The following PLXNB1 variants were observed in gnomAD, a reference collection of about 807,000 sequenced individuals.
PLXNB1 encodes the protein plexin-B1.
PLXNB1 carries 106 observed loss-of-function variants against 209.4 expected under a neutral mutation model. The ratio of observed to expected loss-of-function variants is 0.51; its 90% CI spans 0.43 to 0.59. PLXNB1 has a LOEUF of 0.59. Among genes scored for constraint, PLXNB1 ranks in the 20% least tolerant of loss-of-function variants. The pLI, the probability that PLXNB1 is intolerant of heterozygous loss-of-function variation, is 0.00. For synonymous variants in PLXNB1, 1,167 were observed against 1,183.2 expected (o/e 0.99, Z 0.28); for missense variants, 2,357 against 2,853.2 (o/e 0.83, Z 3.96).
intron 6 of PLXNB1, 32 bp downstream of exon 6, chr3:48,422,073 G>C: frequency 1.3e-6 from 2 of 1,571,140 alleles, no homozygotes; most frequent in Non-Finnish European, 1.8e-6. Context: ...GTGGGCTTGA[G>C]GCTGGGGCTG....
At position 48,414,905 on chromosome 3, in the gene PLXNB1, T is replaced by A. The variant is rs2037973145; in HGVS notation, c.4103A>T (p.Asn1368Ile). ...DNLVFDFATL[N>I]PTPFSYEADP... ...GGCCTCATAGGAGAAAGGTGTGGGG[T>A]TCAGTGTTGCAAAGTCAAAGACCAG... The change falls in exon 21 of 38, where the codon AAC becomes ATC. Residue 1368 changes from asparagine (N) to isoleucine (I), a missense_variant. Coordinates refer to ENST00000296440, the MANE Select transcript of PLXNB1 (RefSeq NM_001130082.3). 1 of 1,613,758 alleles carries A rather than the reference T, an allele frequency of 6.2e-7. No homozygotes were observed. The highest frequency in any genetic ancestry group is 8.5e-7 in the Non-Finnish European group (1 of 1,180,034).
rs1383531239 is a variant in PLXNB1 at position 48,417,815 on chromosome 3, G to A, written c.3374+96C>T. 3 of 1,302,328 alleles carry A rather than the reference G, an allele frequency of 2.3e-6. No individual in the cohort carries two copies. The highest frequency in any genetic ancestry group is 3.2e-6 in the Non-Finnish European group (3 of 933,052). The allele number at this position is 1,302,328 out of a possible 1,614,324, so 80.7% of individuals were successfully genotyped here. Reference sequence around the variant, plus strand: ...CAGGATCAAGGAACAGGGAGAGAGGGGGGCAGATGAGCGGTGGGTGGGAGG... The same window carrying A: ...CAGGATCAAGGAACAGGGAGAGAGGAGGGCAGATGAGCGGTGGGTGGGAGG... On this transcript the variant is annotated intron_variant, in intron 16 of 37. Coordinates refer to ENST00000296440, the MANE Select transcript of PLXNB1 (RefSeq NM_001130082.3). This position sits in a 1 kb window ranked among gnomAD's most constrained non-coding sequence, Gnocchi z 4.4.
At position 48,416,054 on chromosome 3, in the gene PLXNB1, C is replaced by T. The variant is rs756520969; in HGVS notation, c.3594G>A (p.Val1198=). The part of the protein sequence containing the change: ...LTGRLEDIRV[V]VGDQPCHLLP... ...ACAAGTGACAAGGCTGGTCTCCAAC[C>T]ACCACTCGGATGTCCTCCAGCCGCC... Residue 1198 remains valine, a synonymous_variant, in exon 18 of 38, where the codon GTG becomes GTA. Coordinates refer to ENST00000296440, the MANE Select transcript of PLXNB1 (RefSeq NM_001130082.3). The surrounding 1 kb of genome is among the most constrained non-coding windows in gnomAD (Gnocchi z 4.1). The T allele has an allele frequency of 2.5e-6, 4 of 1,602,714 alleles. No individual in the cohort carries two copies. The highest frequency in any genetic ancestry group is 2.2e-5 in the South Asian group (2 of 89,004).
At chr3:48,427,012 G>C (rs542221056) in intron 1 of PLXNB1, among the ~76,000 whole-genome samples, 1 of 152,116 alleles carries the variant, frequency 6.6e-6, no homozygotes, top group Non-Finnish European at 1.5e-5. Context: ...TGGGCACAGG[G>C]TCCCATAGTT....
Position 48,422,412 on chromosome 3 carries a change from GCT to G in PLXNB1, c.1336_1337del (p.Ser446HisfsTer14). On this transcript the variant is annotated frameshift_variant, in exon 5 of 38. Transcript: ENST00000296440. LOFTEE classifies it high-confidence loss of function. ...GSDGHPYSTQSIQQGSAVSRD... is the reference protein window; with the variant it reads ...GSDGHPYSTQXIQQGSAVSRD... ...TGCTCACTGCAGACCCCTGCTGGAT[GCT>G]CTGTGTGGAGTATGGGTGGCCATCG... 6.2e-7 allele frequency: 1 copy of G among 1,602,992 alleles called. No homozygotes were observed. Among genetic ancestry groups the G allele is most frequent in the Non-Finnish European group, 8.5e-7 (1 of 1,174,514 alleles).
In PLXNB1 at chr3:48,422,103, A is replaced by C. The variant is rs1575406857; in HGVS notation, c.1520+2T>G. 6.2e-7 allele frequency: 1 copy of C among 1,612,832 alleles called. No homozygotes were observed. The highest frequency in any genetic ancestry group is 8.5e-7 in the Non-Finnish European group (1 of 1,178,934). ...GGGCTGGGATGGGGTCAGAAATCTG[A>C]CCTGCCAAGGAGCACGCACCACCCA... On this transcript the variant is annotated splice_donor_variant, in intron 6 of 37. Transcript: ENST00000296440. LOFTEE classifies it high-confidence loss of function.
rs1246125743 is a variant in PLXNB1, at chr3:48,413,060, C to T, written c.4636+9G>A. The T allele has an allele frequency of 6.2e-7, 1 of 1,612,834 alleles. No individual in the cohort carries two copies. The highest frequency in any genetic ancestry group is 1.3e-5 in the African/African-American group (1 of 75,028). ...TTCTGGAGGGCGGGGCCCATTCTCT[C>T]AGCCACACCTGTGAATTCCTTCTTG... On this transcript the variant is annotated intron_variant, in intron 24 of 37. Coordinates refer to ENST00000296440, the MANE Select transcript of PLXNB1 (RefSeq NM_001130082.3). The surrounding 1 kb of genome is among the most constrained non-coding windows in gnomAD (Gnocchi z 5.4).
chr3:48,419,105 C>G lies in PLXNB1; in HGVS notation c.2833-66G>C, dbSNP rs923509605. The stretch of plus-strand genomic sequence containing the variant: ...TGGGCCCAGGGAGTCCTGCAGGTCA[C>G]CCAACAGATCCCCCAGCACAGCTTC... On this transcript the variant is annotated intron_variant, in intron 12 of 37. Coordinates refer to ENST00000296440, the MANE Select transcript of PLXNB1 (RefSeq NM_001130082.3). The surrounding 1 kb of genome is among the most constrained non-coding windows in gnomAD (Gnocchi z 5.7). 1 of 1,595,200 alleles carries G rather than the reference C, an allele frequency of 6.3e-7. No individual in the cohort carries two copies. The highest frequency in any genetic ancestry group is 1.3e-5 in the African/African-American group (1 of 74,644).
chr3:48,407,312 C>T lies in PLXNB1; in HGVS notation c.6088-221G>A, dbSNP rs1182683558. ...GCTGCTCCCTCCCTTCCACCAATGT[C>T]CAGTCTCTGATGTCATCGGAAATCA... On this transcript the variant is annotated intron_variant, in intron 34 of 37. Transcript: ENST00000296440. Among the ~76,000 whole-genome samples, 9 of 152,254 alleles carry T rather than the reference C, an allele frequency of 5.9e-5. No homozygotes were observed. The South Asian group carries it at 1.9e-3, about 32-fold the overall frequency.
chr3:48,417,962 A>C lies in PLXNB1; in HGVS notation c.3323T>G (p.Val1108Gly). Residue 1108 changes from valine to glycine, a missense_variant, in exon 16 of 38, where the codon GTG becomes GGG. Physicochemically the swap from Val to Gly is moderately radical, Grantham distance 109. Around this residue, in one of 7 missense-constraint regions of PLXNB1, gnomAD observed 743 missense variants for 896.2 expected, o/e 0.83. Coordinates refer to ENST00000296440, the MANE Select transcript of PLXNB1 (RefSeq NM_001130082.3). This position sits in a 1 kb window ranked among gnomAD's most constrained non-coding sequence, Gnocchi z 4.4. ...ATCCACAGCACAGGGCACTCCAGCCACCGTGACCATGCCCAGCACATCCTG... is the reference window on the plus strand; with the variant it reads ...ATCCACAGCACAGGGCACTCCAGCCCCCGTGACCATGCCCAGCACATCCTG... ...HVQDVLGMVTVAGVPCAVDAQ... is the reference protein window; with the variant it reads ...HVQDVLGMVTGAGVPCAVDAQ... The C allele has an allele frequency of 6.2e-7, 1 of 1,613,424 alleles. No individual in the cohort carries two copies. Among genetic ancestry groups the C allele is most frequent in the Non-Finnish European group, 8.5e-7 (1 of 1,180,012 alleles).
At chr3:48,421,033 T>C in intron 8 of PLXNB1, 77 bp from the exon 9 acceptor site, 1 of 1,371,562 alleles carries the variant, frequency 7.3e-7, no homozygotes, top group African/African-American at 1.4e-5. Flanking sequence ...CCTGAGCCCT[T>C]GAATGGGGAA....
chr3:48,414,876 G>C lies in PLXNB1; in HGVS notation c.4132C>G (p.Pro1378Ala), dbSNP rs368567953. 7 of 1,613,950 alleles carry C rather than the reference G, an allele frequency of 4.3e-6. No homozygotes were observed. The highest frequency in any genetic ancestry group is 5.9e-6 in the Non-Finnish European group (7 of 1,180,050). The change falls in exon 21 of 38, where the codon CCC becomes GCC. Residue 1378 changes from proline (P) to alanine (A), a missense_variant. Physicochemically the swap from Pro to Ala is conservative, Grantham distance 27. This residue lies in a region of PLXNB1 where 743 missense variants were observed against 896.2 expected (regional missense o/e 0.83). Transcript: ENST00000296440. ...NPTPFSYEAD[P>A]TLQPLNPEDP... is the part of the protein sequence containing the mutation. The stretch of plus-strand genomic sequence containing the variant: ...TCAGGGTTGAGTGGCTGCAGGGTGG[G>C]GTCGGCCTCATAGGAGAAAGGTGTG...
intron 8 of PLXNB1, 72 bp downstream of exon 8, chr3:48,421,156 C>G: frequency 6.5e-7 from 1 of 1,537,058 alleles, no homozygotes; most frequent in Non-Finnish European, 8.8e-7. Context: ...TGCCTGGATT[C>G]ACACTTTAAC....
At chr3:48,414,678 A>T in intron 21 of PLXNB1, 121 bp downstream of exon 21, 2 of 1,218,480 alleles carry the variant, frequency 1.6e-6, no homozygotes, top group Non-Finnish European at 2.3e-6. Context: ...AGCAAGGATG[A>T]GGAGCCATGT....
At position 48,416,586 on chromosome 3, in the gene PLXNB1, C is replaced by A; in HGVS notation, c.3375-135G>T. The A allele has an allele frequency of 1.8e-6, 1 of 549,702 alleles. No individual in the cohort carries two copies. Among genetic ancestry groups the A allele is most frequent in the East Asian group, 3.1e-5 (1 of 31,934 alleles). 34.1% of individuals were successfully genotyped at this position (549,702 alleles called of 1,614,324 possible). ...GCTCCATAAGATTGACAGAGACCCT[C>A]TCTCACTTTGGAGGGAATTCTTTAT... On this transcript the variant is annotated intron_variant, in intron 16 of 37. Coordinates refer to ENST00000296440, the MANE Select transcript of PLXNB1 (RefSeq NM_001130082.3). This position sits in a 1 kb window ranked among gnomAD's most constrained non-coding sequence, Gnocchi z 4.1.
At position 48,419,608 on chromosome 3, in the gene PLXNB1, T is replaced by C; in HGVS notation, c.2678A>G (p.Tyr893Cys). 1 of 1,611,638 alleles carries C rather than the reference T, an allele frequency of 6.2e-7. No homozygotes were observed. The highest frequency in any genetic ancestry group is 1.1e-5 in the South Asian group (1 of 91,046). The change falls in exon 11 of 38, where the codon TAC (tyrosine) becomes TGC (cysteine). Residue 893 changes from tyrosine (Y) to cysteine (C), a missense_variant. Transcript: ENST00000296440. This position sits in a 1 kb window ranked among gnomAD's most constrained non-coding sequence, Gnocchi z 5.7. The part of the protein sequence containing the change: ...APLILPSSLD[Y>C]QYDTPGLWEL... ...CCAGAGCCCGGGGGTGTCATACTGG[T>C]AGTCGAGGCTGGACGGGAGGATGAG...
In PLXNB1 at chr3:48,423,494, C is replaced by T; in HGVS notation, c.1107+11G>A. ...AGAGAGGCGGAAAAGTGGGGCAATA[C>T]TGGAACTCACCACTGGCAGCTGTGC... On this transcript the variant is annotated intron_variant, in intron 3 of 37. Coordinates refer to ENST00000296440, the MANE Select transcript of PLXNB1 (RefSeq NM_001130082.3). 6.2e-7 allele frequency: 1 copy of T among 1,607,766 alleles called. No homozygotes were observed. Among genetic ancestry groups the T allele is most frequent in the Non-Finnish European group, 8.5e-7 (1 of 1,175,036 alleles).
rs761988131 is a variant in PLXNB1, at chr3:48,421,782, C to T, written c.1545G>A (p.Ser515=). Residue 515 remains serine, a synonymous_variant, in exon 7 of 38, where the codon TCG becomes TCA. Coordinates refer to ENST00000296440, the MANE Select transcript of PLXNB1 (RefSeq NM_001130082.3). The stretch of plus-strand genomic sequence containing the variant: ...GCCACTGCTCTGGGCCCTGGCCCCT[C>T]GAGCACTCAGAACGGCGACTGCACC... ...LGRCSRRSEC[S]RGQGPEQWLW... The T allele has an allele frequency of 1.9e-6, 3 of 1,603,962 alleles. No individual in the cohort carries two copies. The highest frequency in any genetic ancestry group is 8.5e-7 in the Non-Finnish European group (1 of 1,172,020).
chr3:48,405,767 G>A lies in PLXNB1; in HGVS notation c.6260C>T (p.Ala2087Val), dbSNP rs887840684. ...GATGTACTTGTAGAGTTCATGCAGG[G>A]CCACTCGCGCCCCGAGGTCTCCGGA... ...NYSGDLGARV[A>V]LHELYKYINK... The change falls in exon 37 of 38, where the codon GCC (alanine) becomes GTC (valine). Residue 2087 changes from alanine to valine, a missense_variant. Ala to Val is a moderately conservative substitution (Grantham distance 64). Transcript: ENST00000296440. The surrounding 1 kb of genome is among the most constrained non-coding windows in gnomAD (Gnocchi z 5.0). The A allele has an allele frequency of 1.2e-6, 2 of 1,613,570 alleles. No individual in the cohort carries two copies. The highest frequency in any genetic ancestry group is 1.6e-4 in the Middle Eastern group (1 of 6,078).
Sources: gnomAD v4.1 joint callset for allele counts (sites outside exome capture counted in the v4.1 genomes callset) on GRCh38, gnomAD v4.1.1 for gene constraint, gnomAD v4.1.1 regional missense constraint, Gnocchi (gnomAD v3.1) non-coding constraint, MANE v1.5 for transcripts, NCBI Gene and HGNC (gene_info 2026-07-23, HGNC 2026-07-21) for gene names.